Variants in HMGB1 observed in about 807,000 individuals in gnomAD.
The protein encoded by HMGB1 is high mobility group box 1, also known as high mobility group protein B1.
For synonymous variants in HMGB1, 81 were observed against 84.0 expected, an observed-to-expected ratio of 0.96 and a Z score of 0.19; for missense variants, 79 against 253.5, an observed-to-expected ratio of 0.31 and a Z score of 4.67.
chr13:30,458,827 A>T lies in HMGB1; in HGVS notation c.*2530T>A, dbSNP rs1326845447. On this transcript the variant is annotated 3_prime_UTR_variant, in exon 5 of 5. Transcript: ENST00000341423. ...TTCAGATTTCACTTTAAGAAAATTA[A>T]TAAATACAGCAAACATTAACAACAC... The T allele has an allele frequency of 9.2e-5, 14 of 152,244 alleles. No homozygotes were observed. Among genetic ancestry groups the T allele is most frequent in the African/African-American group, 3.4e-4 (14 of 41,454 alleles). The allele number at this position is 152,244 out of a possible 1,614,324, so 9.4% of individuals were successfully genotyped here.
chr13:30,560,068 C>T (rs1869882697), intron 1 of HMGB1, among the ~76,000 whole-genome samples: 1 of 152,132 alleles, frequency 6.6e-6, no homozygotes, highest in Admixed American at 6.6e-5. Context: ...TTGATTGTTT[C>T]TCTTGTATCC....
In HMGB1 at chr13:30,583,825, C is replaced by CAA. The variant is rs781566280; in HGVS notation, c.-15+32844_-15+32845dup. 4.5e-3 allele frequency among the ~76,000 whole-genome samples: 337 copies of CAA among 74,326 alleles called. 5 individuals are homozygous for CAA. The Middle Eastern group carries it at 0.052, about 11-fold the overall frequency. The allele number at this position is 74,326 out of a possible 152,430, so 48.8% of individuals were successfully genotyped here. A position where few individuals can be genotyped will look rare whatever the true frequency, so the allele number is the denominator to read the frequency against. ...TGACAGAGCGAGCGAGACTCTGTCT[C>CAA]AAAAAAAAAAAAAAAAAGAAAGAAA... On this transcript the variant is annotated intron_variant, in intron 1 of 4. Coordinates refer to the HMGB1 transcript ENST00000405805.
chr13:30,525,008 T>C (rs1249214121), intron 1 of HMGB1, among the ~76,000 whole-genome samples: 2 of 152,212 alleles, frequency 1.3e-5, no homozygotes, highest in Non-Finnish European at 2.9e-5. Flanking sequence ...CAAATCGGCA[T>C]AGTAAAATGG....
chr13:30,613,598 C>G (rs1319902939), intron 1 of HMGB1, among the ~76,000 whole-genome samples: 1 of 152,102 alleles, frequency 6.6e-6, no homozygotes, highest in Non-Finnish European at 1.5e-5. Context: ...GACAAAGTCT[C>G]TACACATAAT....
chr13:30,464,739 G>A (rs1886623174), intron 1 of HMGB1: 3 of 514,648 alleles, frequency 5.8e-6, no homozygotes, highest in Non-Finnish European at 5.0e-6. Context: ...GCGAGCGCGA[G>A]CGAGAATATG....
In HMGB1 at chr13:30,519,369, A is replaced by G. The variant is rs370835325; in HGVS notation, c.-14-55675T>C. Among the ~76,000 whole-genome samples the G allele has an allele frequency of 3.8e-4, 51 of 133,496 alleles. No individual in the cohort carries two copies. In the South Asian group the frequency reaches 0.011, roughly 28 times the overall value. The allele number at this position is 133,496 out of a possible 152,430, so 87.6% of individuals were successfully genotyped here. On this transcript the variant is annotated intron_variant, in intron 1 of 4. Transcript: ENST00000405805. ...GATCACACCACTGCACTCTAGCCTG[A>G]GTGACAGAGTGACACTCTGTCTCAA... is the stretch of plus-strand genomic sequence containing the variant.
At chr13:30,569,311 C>A (rs1870326510) in intron 1 of HMGB1, among the ~76,000 whole-genome samples, 1 of 152,194 alleles carries the variant, frequency 6.6e-6, no homozygotes, top group African/African-American at 2.4e-5. Flanking sequence ...CTCTTTCCAC[C>A]AACTGTGTAC....
At chr13:30,550,263 A>AT (rs1593306426) in intron 1 of HMGB1, among the ~76,000 whole-genome samples, 3 of 152,194 alleles carry the variant, frequency 2.0e-5, no homozygotes, top group East Asian at 3.8e-4. Context: ...TCATTCATGT[A>AT]TGTAAAAGTT....
At chr13:30,482,360 C>T (rs1019503811) in intron 1 of HMGB1, among the ~76,000 whole-genome samples, 5 of 152,290 alleles carry the variant, frequency 3.3e-5, no homozygotes, top group East Asian at 3.9e-4. Flanking sequence ...AGACCAAGCT[C>T]ATGTTTTATT....
At chr13:30,498,017 C>A (rs1332372042) in intron 1 of HMGB1, among the ~76,000 whole-genome samples, 5 of 152,158 alleles carry the variant, frequency 3.3e-5, no homozygotes, top group African/African-American at 7.2e-5. Context: ...GTTTTAAGTT[C>A]TTTGAGGAAT....
chr13:30,554,766 CAG>C (rs1173266989), intron 1 of HMGB1: 6 of 768,128 alleles, frequency 7.8e-6, no homozygotes, highest in South Asian at 1.3e-5. Context: ...GCAGATGAAA[CAG>C]AGGCTAAATG....
intron 1 of HMGB1, among the ~76,000 whole-genome samples, chr13:30,585,352 A>G (rs566049179): frequency 7.2e-6 from 1 of 139,738 alleles, no homozygotes; most frequent in Admixed American, 7.0e-5. Flanking sequence ...ACAAACAAAC[A>G]AAAAAACCCA....
chr13:30,554,153 G>A, intron 1 of HMGB1: 1 of 1,336,638 alleles, frequency 7.5e-7, no homozygotes, highest in South Asian at 1.2e-5. Flanking sequence ...ACTACGATTA[G>A]AAAATATCAA....
intron 1 of HMGB1, among the ~76,000 whole-genome samples, chr13:30,564,508 G>A (rs1870106396): frequency 6.6e-6 from 1 of 151,998 alleles, no homozygotes; most frequent in African/African-American, 2.4e-5. Context: ...GCTGCCCTGT[G>A]CTTGGAGAGA....
upstream of HMGB1, among the ~76,000 whole-genome samples, chr13:30,467,953 T>C (rs76914980): frequency 0.013 from 1,944 of 152,272 alleles, 50 homozygotes; most frequent in African/African-American, 0.044. Context: ...TTTGACAGGA[T>C]GATATGGTGA....
chr13:30,489,642 G>A (rs1478117718), intron 1 of HMGB1, among the ~76,000 whole-genome samples: 1 of 152,072 alleles, frequency 6.6e-6, no homozygotes, highest in African/African-American at 2.4e-5. Flanking sequence ...GATACGAATA[G>A]ATTCCTTGGC....
chr13:30,499,746 A>T (rs1887693374), intron 1 of HMGB1, among the ~76,000 whole-genome samples: 1 of 152,232 alleles, frequency 6.6e-6, no homozygotes, highest in South Asian at 2.1e-4. Context: ...TGAAAAGTCA[A>T]TCCATTAGTT....
At chr13:30,601,448 T>G (rs1176696668) in intron 1 of HMGB1, among the ~76,000 whole-genome samples, 1 of 150,946 alleles carries the variant, frequency 6.6e-6, no homozygotes, top group African/African-American at 2.5e-5. Flanking sequence ...GTCCTCACTT[T>G]AAAAATGAGG....
intron 1 of HMGB1, among the ~76,000 whole-genome samples, chr13:30,575,387 T>C (rs1254084307): frequency 6.6e-6 from 1 of 152,214 alleles, no homozygotes; most frequent in Non-Finnish European, 1.5e-5. Context: ...TATGACGCTG[T>C]TCCTTCACTC....
Sources: gnomAD v4.1 joint callset for allele counts (sites outside exome capture counted in the v4.1 genomes callset) on GRCh38, gnomAD v4.1.1 for gene constraint, MANE v1.5 for transcripts, NCBI Gene and HGNC (gene_info 2026-07-23, HGNC 2026-07-21) for gene names.